The following MTOR variants were observed in gnomAD, a reference collection of about 807,000 sequenced individuals.
MTOR encodes the protein serine/threonine-protein kinase mTOR.
A neutral mutation model predicts 319.8 loss-of-function variants in MTOR; 70 were observed. The ratio of observed to expected loss-of-function variants is 0.22; its 90% confidence interval spans 0.18 to 0.27. The LOEUF is 0.27. MTOR is among the 10% of genes least tolerant of loss of function. MTOR has a pLI of 1.00. For missense variants in MTOR, 1,890 were observed against 3,274.4 expected (o/e 0.58, Z 10.32); for synonymous variants, 1,183 against 1,211.4 (o/e 0.98, Z 0.49).
chr1:11,123,318 C>T (rs1165270323), intron 47 of MTOR, among the ~76,000 whole-genome samples: 1 of 151,884 alleles, frequency 6.6e-6, no homozygotes, highest in Non-Finnish European at 1.5e-5. Context: ...GCACAGTTGC[C>T]CCATCACAGC....
chr1:11,137,435 C>T (rs777989875), intron 36 of MTOR, among the ~76,000 whole-genome samples: 3 of 152,062 alleles, frequency 2.0e-5, no homozygotes, highest in Non-Finnish European at 2.9e-5. Context: ...CCCAATATTT[C>T]GTTTATCCAG....
chr1:11,108,751 T>C (rs1641707104), intron 56 of MTOR, among the ~76,000 whole-genome samples: 2 of 149,156 alleles, frequency 1.3e-5, no homozygotes, highest in South Asian at 4.2e-4. Context: ...AAAGAAAAAT[T>C]CGGCCGGGTG....
chr1:11,243,332 CA>C, intron 8 of MTOR, 32 bp from the exon 9 acceptor site: 1 of 1,605,562 alleles, frequency 6.2e-7, no homozygotes, highest in Non-Finnish European at 8.5e-7. Context: ...TAGATAGCTC[CA>C]GGTCAGGGTT....
chr1:11,262,382 A>T (rs1651259362), intron 1 of MTOR, 63 bp downstream of exon 1: 1 of 152,438 alleles, frequency 6.6e-6, no homozygotes, highest in African/African-American at 2.4e-5. Flanking sequence ...CCCCACGGGC[A>T]GGCTGGCCGT....
At chr1:11,158,547 C>T (rs895302799) in intron 29 of MTOR, among the ~76,000 whole-genome samples, 2 of 152,050 alleles carry the variant, frequency 1.3e-5, no homozygotes, top group African/African-American at 4.8e-5. Context: ...TCAAAATGAG[C>T]GTATCTGGCT....
chr1:11,198,017 T>C (rs1645842872), intron 28 of MTOR, among the ~76,000 whole-genome samples: 1 of 152,224 alleles, frequency 6.6e-6, no homozygotes, highest in Non-Finnish European at 1.5e-5. Flanking sequence ...TTGTATCAAA[T>C]ATGCGGAAAA....
chr1:11,228,655 T>C lies in MTOR; in HGVS notation c.3030+13A>G, dbSNP rs766810878. On this transcript the variant is annotated intron_variant, in intron 19 of 57. Coordinates refer to ENST00000361445, the MANE Select transcript of MTOR (RefSeq NM_004958.4). Reference sequence around the variant, plus strand: ...AGAGGAGAAAGAGAAGGATTGGGGTTTGAGGTACTTACTTCCCGGATGGCC... The same window carrying C: ...AGAGGAGAAAGAGAAGGATTGGGGTCTGAGGTACTTACTTCCCGGATGGCC... 2 of 1,612,516 alleles carry C rather than the reference T, an allele frequency of 1.2e-6. No homozygotes were observed. The highest frequency in any genetic ancestry group is 2.7e-5 in the African/African-American group (2 of 74,880).
chr1:11,177,373 C>T (rs1461306261), intron 28 of MTOR, among the ~76,000 whole-genome samples: 7 of 151,942 alleles, frequency 4.6e-5, no homozygotes, highest in Admixed American at 4.6e-4. Context: ...GCCTGAGCAA[C>T]ATAGCAAGAC....
Position 11,199,491 on chromosome 1 carries a change from CCAGCTGGTTCCCTGT to C in MTOR, c.4107+35_4107+49del. ...CTGTGTGGATGCTTCTCTCCTCCCACCAGCTGGTTCCCTGTCAGCCTCCATCTGGACAATGGGGAA... is the reference window on the plus strand; with the variant it reads ...CTGTGTGGATGCTTCTCTCCTCCCACCAGCCTCCATCTGGACAATGGGGAA... On this transcript the variant is annotated intron_variant, in intron 27 of 57. Transcript: ENST00000361445. The surrounding 1 kb of genome is among the most constrained non-coding windows in gnomAD (Gnocchi z 4.5). 1 of 1,613,650 alleles carries C rather than the reference CCAGCTGGTTCCCTGT, an allele frequency of 6.2e-7. No homozygotes were observed.
chr1:11,255,846 C>A (rs376323314), intron 5 of MTOR, 146 bp downstream of exon 5: 364 of 533,382 alleles, frequency 6.8e-4, no homozygotes, highest in African/African-American at 2.9e-3. Flanking sequence ...GACTCCATCA[C>A]AAAAAAAAAA....
At position 11,122,041 on chromosome 1, in the gene MTOR, T is replaced by G. The variant is rs1177466034; in HGVS notation, c.6748A>C (p.Ile2250Leu). 6.2e-7 allele frequency: 1 copy of G among 1,614,178 alleles called. No homozygotes were observed. The highest frequency in any genetic ancestry group is 8.5e-7 in the Non-Finnish European group (1 of 1,180,030). Reference sequence around the variant, plus strand: ...TTCTTCTTCTCCCTGTAGTCCCGGATGAGGGCGTGCAGTGTGTCACAGTGG... The same window carrying G: ...TTCTTCTTCTCCCTGTAGTCCCGGAGGAGGGCGTGCAGTGTGTCACAGTGG... ...VPHCDTLHAL[I>L]RDYREKKKIL... is the part of the protein sequence containing the mutation. The change falls in exon 48 of 58, where the codon ATC becomes CTC. Residue 2250 changes from isoleucine (I) to leucine (L), a missense_variant. Around this residue, in one of 15 missense-constraint regions of MTOR, gnomAD observed 249 missense variants for 596.2 expected, o/e 0.42. Transcript: ENST00000361445.
At chr1:11,171,300 A>C (rs1644807199) in intron 28 of MTOR, among the ~76,000 whole-genome samples, 1 of 151,908 alleles carries the variant, frequency 6.6e-6, no homozygotes, top group Non-Finnish European at 1.5e-5. Context: ...TCTTTTTTAA[A>C]GAGACAGGGT....
intron 6 of MTOR, among the ~76,000 whole-genome samples, chr1:11,251,655 C>CTTTCTT (rs1649698376): frequency 8.8e-6 from 1 of 113,718 alleles, no homozygotes; most frequent in East Asian, 2.5e-4. Context: ...TAGATAGTTT[C>CTTTCTT]TTTTTTTTTT....
At position 11,209,471 on chromosome 1, in the gene MTOR, A is replaced by G. The variant is rs1158413015; in HGVS notation, c.3655-13T>C. The G allele has an allele frequency of 1.6e-5, 26 of 1,613,912 alleles. No individual in the cohort carries two copies. Among genetic ancestry groups the G allele is most frequent in the Non-Finnish European group, 2.1e-5 (25 of 1,179,966 alleles). On this transcript the variant is annotated splice_polypyrimidine_tract_variant and intron_variant, in intron 24 of 57. Transcript: ENST00000361445. ...CAAGTGTGTATCCCTACAACCAAAG[A>G]TTTATAGGAAACACCTATAACTCTA...
intron 28 of MTOR, among the ~76,000 whole-genome samples, chr1:11,177,806 A>G (rs574870030): frequency 6.6e-6 from 1 of 152,096 alleles, no homozygotes; most frequent in Admixed American, 6.5e-5. Flanking sequence ...GTGCAAAAAA[A>G]CTCATCTTTT....
chr1:11,241,510 G>A (rs1437871130), intron 10 of MTOR, 43 bp downstream of exon 10: 3 of 1,576,038 alleles, frequency 1.9e-6, no homozygotes, highest in South Asian at 1.2e-5. Flanking sequence ...TGGGGGCCAA[G>A]CCTCACGCTG....
At position 11,108,224 on chromosome 1, in the gene MTOR, G is replaced by T; in HGVS notation, c.7591C>A (p.Gln2531Lys). The T allele has an allele frequency of 6.2e-7, 1 of 1,613,902 alleles. No individual in the cohort carries two copies. The highest frequency in any genetic ancestry group is 8.5e-7 in the Non-Finnish European group (1 of 1,179,842). Reference sequence around the variant, plus strand: ...CAGAGGTTTTCATGGGATGTCGCTTGTTTGATGAGCAGCTCAACTTGCGTT... The same window carrying T: ...CAGAGGTTTTCATGGGATGTCGCTTTTTTGATGAGCAGCTCAACTTGCGTT... ...VPTQVELLIK[Q>K]ATSHENLCQC... Residue 2531 changes from glutamine to lysine, a missense_variant, in exon 57 of 58, where the codon CAA becomes AAA. Around this residue, in one of 15 missense-constraint regions of MTOR, gnomAD observed 31 missense variants for 82.1 expected, o/e 0.38. Coordinates refer to ENST00000361445, the MANE Select transcript of MTOR (RefSeq NM_004958.4).
At chr1:11,253,738 T>G in intron 6 of MTOR, 101 bp downstream of exon 6, 1 of 1,327,096 alleles carries the variant, frequency 7.5e-7, no homozygotes, top group Non-Finnish European at 1.1e-6. Context: ...TTATGTTTCC[T>G]GCCACAAAAT....
rs1647496757 is a variant in MTOR at position 11,238,388 on chromosome 1, C to T, written c.2002+14G>A. 3 of 1,613,306 alleles carry T rather than the reference C, an allele frequency of 1.9e-6. No homozygotes were observed. The East Asian group carries it at 6.7e-5, about 36-fold the overall frequency. ...CTTAACTCCCCTAGATTCCTTCTGT[C>T]TGGCAAGCCTTACCAGGATCTGTTA... On this transcript the variant is annotated intron_variant, in intron 12 of 57. Coordinates refer to ENST00000361445, the MANE Select transcript of MTOR (RefSeq NM_004958.4).
Sources: allele counts gnomAD v4.1 joint callset (sites outside exome capture counted in the v4.1 genomes callset), GRCh38; gene constraint gnomAD v4.1.1; regional missense constraint gnomAD v4.1.1; non-coding constraint Gnocchi (gnomAD v3.1); transcripts MANE v1.5; gene names NCBI Gene and HGNC (gene_info 2026-07-23, HGNC 2026-07-21).